The following NUDT3 variants were observed in gnomAD, a reference collection of about 807,000 sequenced individuals.
NUDT3 encodes nudix hydrolase 3, also known as diphosphoinositol polyphosphate phosphohydrolase 1.
A neutral mutation model predicts 23.6 loss-of-function variants in NUDT3; 9 were observed. The observed-to-expected ratio is 0.38, with a 90% CI of 0.23 to 0.66. The LOEUF (loss-of-function observed/expected upper bound fraction) is 0.66, where lower values mean the gene tolerates loss of function less well. Among genes scored for constraint, NUDT3 ranks in the 30% least tolerant of loss-of-function variants. The probability of loss-of-function intolerance (pLI) is 0.52; values close to 1 mark genes in which losing one functional copy is unlikely to be tolerated. For synonymous variants in NUDT3, 86 were observed against 82.6 expected (o/e 1.04, Z -0.22); for missense variants, 172 against 218.5 (o/e 0.79, Z 1.34).
chr6:34,347,358 C>A (rs1210380117), intron 1 of NUDT3, among the ~76,000 whole-genome samples: 2 of 152,198 alleles, frequency 1.3e-5, no homozygotes, highest in African/African-American at 4.8e-5. Flanking sequence ...AACCAGCTGA[C>A]CAGGTATCAG....
intron 1 of NUDT3, among the ~76,000 whole-genome samples, chr6:34,343,209 G>A (rs1216737856): frequency 2.0e-5 from 3 of 151,914 alleles, no homozygotes; most frequent in Admixed American, 6.6e-5. Flanking sequence ...AAAATACTAT[G>A]AAATCCACAG....
At chr6:34,320,427 T>C (rs1763923639) in intron 2 of NUDT3, among the ~76,000 whole-genome samples, 1 of 152,156 alleles carries the variant, frequency 6.6e-6, no homozygotes. Flanking sequence ...TTTCACCATG[T>C]TGGCCAGGCT....
At chr6:34,303,854 T>C (rs577425588) in intron 2 of NUDT3, among the ~76,000 whole-genome samples, 50 of 152,344 alleles carry the variant, frequency 3.3e-4, no homozygotes, top group Non-Finnish European at 5.3e-4. Flanking sequence ...CGTTTAAGTA[T>C]TGTCTACGGC....
At chr6:34,327,935 C>T (rs1196586902) in intron 2 of NUDT3, among the ~76,000 whole-genome samples, 1 of 152,192 alleles carries the variant, frequency 6.6e-6, no homozygotes, top group Non-Finnish European at 1.5e-5. Flanking sequence ...GATGTCCCTT[C>T]AGCACCTGAC....
chr6:34,391,244 T>G (rs1448593727), intron 1 of NUDT3, among the ~76,000 whole-genome samples: 1 of 152,212 alleles, frequency 6.6e-6, no homozygotes, highest in Non-Finnish European at 1.5e-5. Context: ...CCTGCCACCA[T>G]AGCCCACTGC....
In NUDT3 at chr6:34,294,725, C is replaced by CA. The variant is rs1323509514; in HGVS notation, c.255+915dup. On this transcript the variant is annotated intron_variant, in intron 3 of 4. Coordinates refer to ENST00000607016, the MANE Select transcript of NUDT3 (RefSeq NM_006703.4). Reference sequence around the variant, plus strand: ...TGGGTGACAGAGCAAGACTCTGTCTCAAAAAAAAAAAAAAGATTTATTTAC... The same window carrying CA: ...TGGGTGACAGAGCAAGACTCTGTCTCAAAAAAAAAAAAAAAGATTTATTTAC... Among the ~76,000 whole-genome samples, 203 of 115,030 alleles carry CA rather than the reference C, an allele frequency of 1.8e-3. 1 individual carries two copies. The highest frequency in any genetic ancestry group is 2.1e-3 in the African/African-American group (65 of 30,924). 75.5% of individuals were successfully genotyped at this position (115,030 alleles called of 152,430 possible).
At chr6:34,343,677 T>C (rs551440607) in intron 1 of NUDT3, among the ~76,000 whole-genome samples, 1 of 152,274 alleles carries the variant, frequency 6.6e-6, no homozygotes, top group East Asian at 1.9e-4. Flanking sequence ...TGATCTTGAA[T>C]TTGGCAAGAT....
intron 1 of NUDT3, among the ~76,000 whole-genome samples, chr6:34,379,279 G>A (rs1764974175): frequency 1.3e-5 from 2 of 152,160 alleles, no homozygotes; most frequent in Admixed American, 1.3e-4. Flanking sequence ...GTAATCCATG[G>A]TGGGGTACAG....
intron 2 of NUDT3, among the ~76,000 whole-genome samples, chr6:34,320,933 G>A (rs1763931625): frequency 6.6e-6 from 1 of 152,066 alleles, no homozygotes; most frequent in Non-Finnish European, 1.5e-5. Flanking sequence ...ATATCAGCAT[G>A]GAAAGTCATA....
chr6:34,318,025 C>T (rs1356306414), intron 2 of NUDT3, among the ~76,000 whole-genome samples: 2 of 152,026 alleles, frequency 1.3e-5, no homozygotes, highest in African/African-American at 2.4e-5. Context: ...GGTTTAAAAG[C>T]TGAAAATAAA....
At chr6:34,321,018 G>A (rs1763933771) in intron 2 of NUDT3, among the ~76,000 whole-genome samples, 2 of 152,218 alleles carry the variant, frequency 1.3e-5, no homozygotes, top group African/African-American at 4.8e-5. Context: ...GATAGGGCAC[G>A]GTTTCTAGCA....
At chr6:34,306,140 G>A (rs752707775) in intron 2 of NUDT3, among the ~76,000 whole-genome samples, 13 of 152,198 alleles carry the variant, frequency 8.5e-5, no homozygotes, top group Non-Finnish European at 1.3e-4. Context: ...AGCACAAAAT[G>A]AGATGTTTTG....
At position 34,366,710 on chromosome 6, in the gene NUDT3, C is replaced by A. The variant is rs1764740896; in HGVS notation, c.100-24738G>T. Among the ~76,000 whole-genome samples, 3 of 151,476 alleles carry A rather than the reference C, an allele frequency of 2.0e-5. No individual in the cohort carries two copies. The South Asian group carries it at 6.3e-4, about 32-fold the overall frequency. On this transcript the variant is annotated intron_variant, in intron 1 of 4. Coordinates refer to ENST00000607016, the MANE Select transcript of NUDT3 (RefSeq NM_006703.4). ...GCAGCTAGGACTGCAACGTGTGCCA[C>A]CATATCTGGCTGAGACTTACTGCTT...
rs150217488 is a variant in NUDT3, at chr6:34,388,873, T to C, written c.99+3391A>G. Among the ~76,000 whole-genome samples the C allele has an allele frequency of 9.2e-5, 14 of 152,342 alleles. No homozygotes were observed. In the South Asian group the frequency reaches 1.2e-3, roughly 14 times the overall value. On this transcript the variant is annotated intron_variant, in intron 1 of 4. Transcript: ENST00000607016. ...TGTAACACCCACTGAATCTGTAATTTAAAGCTTTGCATGATTCCTCGGCTC... is the reference window on the plus strand; with the variant it reads ...TGTAACACCCACTGAATCTGTAATTCAAAGCTTTGCATGATTCCTCGGCTC...
At chr6:34,351,430 A>C (rs923532328) in intron 1 of NUDT3, among the ~76,000 whole-genome samples, 1 of 140,732 alleles carries the variant, frequency 7.1e-6, no homozygotes, top group Non-Finnish European at 1.5e-5. Flanking sequence ...ATAAGGCAAG[A>C]CCATGTCTTT....
chr6:34,334,917 A>C (rs1764184463), intron 2 of NUDT3, among the ~76,000 whole-genome samples: 1 of 151,822 alleles, frequency 6.6e-6, no homozygotes, highest in Non-Finnish European at 1.5e-5. Context: ...TGAGAAGAAA[A>C]GAAAAAGAAA....
At chr6:34,297,974 A>G (rs1763541034) in intron 2 of NUDT3, among the ~76,000 whole-genome samples, 1 of 151,524 alleles carries the variant, frequency 6.6e-6, no homozygotes, top group African/African-American at 2.4e-5. Context: ...CTACTATCCA[A>G]TATTTTTTTC....
intron 1 of NUDT3, among the ~76,000 whole-genome samples, chr6:34,375,946 C>G (rs890739796): frequency 1.3e-5 from 2 of 152,156 alleles, no homozygotes; most frequent in African/African-American, 4.8e-5. Context: ...CATGATGCCC[C>G]AAGCTCAGGC....
chr6:34,322,355 C>A (rs748612764), intron 2 of NUDT3, among the ~76,000 whole-genome samples: 1 of 152,026 alleles, frequency 6.6e-6, no homozygotes, highest in Non-Finnish European at 1.5e-5. Flanking sequence ...CTCAGCCTCC[C>A]GAGTAGCTGG....
Sources: allele counts gnomAD v4.1 joint callset (sites outside exome capture counted in the v4.1 genomes callset), GRCh38; gene constraint gnomAD v4.1.1; transcripts MANE v1.5; gene names NCBI Gene and HGNC (gene_info 2026-07-23, HGNC 2026-07-21).